SGCD: variants seen among roughly 807,000 people sequenced by gnomAD.
SGCD encodes the protein delta-sarcoglycan.
A neutral mutation model predicts 36.6 loss-of-function variants in SGCD; 18 were observed. The observed-to-expected ratio is 0.49, with a 90% CI of 0.34 to 0.73. The LOEUF is 0.73. Among genes scored for constraint, SGCD ranks in the 30% least tolerant of loss-of-function variants. SGCD has a pLI of 0.01. For synonymous variants in SGCD, 133 were observed against 130.6 expected, an observed-to-expected ratio of 1.02 and a Z score of -0.12; for missense variants, 387 against 346.7, an observed-to-expected ratio of 1.12 and a Z score of -0.92.
At chr5:155,758,243 A>G in the SGCD span, among the ~76,000 whole-genome samples, 1 of 152,190 alleles carries the variant, frequency 6.6e-6, no homozygotes, top group Non-Finnish European at 1.5e-5. Context: ...AAAGTTTTCC[A>G]TGTTTAGTTT....
the SGCD span, among the ~76,000 whole-genome samples, chr5:155,737,651 A>G: frequency 6.6e-6 from 1 of 152,120 alleles, no homozygotes; most frequent in African/African-American, 2.4e-5. Context: ...TCAAGATCCC[A>G]TGACAGGCTA....
chr5:155,856,244 A>C, the SGCD span, among the ~76,000 whole-genome samples: 1 of 152,188 alleles, frequency 6.6e-6, no homozygotes, highest in Non-Finnish European at 1.5e-5. Context: ...CACTACCATG[A>C]GTTATAGTTA....
At chr5:155,749,014 A>G in the SGCD span, among the ~76,000 whole-genome samples, 11 of 152,200 alleles carry the variant, frequency 7.2e-5, no homozygotes, top group Non-Finnish European at 1.5e-4. Flanking sequence ...ACTGTGGTTT[A>G]TTAGAAATCT....
At chr5:156,606,229 C>G (rs191271889) in intron 6 of SGCD, among the ~76,000 whole-genome samples, 3,649 of 152,056 alleles carry the variant, frequency 0.024, 155 homozygotes, top group Admixed American at 0.1. Flanking sequence ...TGTATAAGGT[C>G]TAAGGAAGGG....
rs1383175469 is a variant in SGCD at position 156,127,875 on chromosome 5, A to C, written c.-44+3856A>C. Among the ~76,000 whole-genome samples, 3 of 149,700 alleles carry C rather than the reference A, an allele frequency of 2.0e-5. No individual in the cohort carries two copies. In the East Asian group the frequency reaches 5.8e-4, roughly 29 times the overall value. Reference sequence around the variant, plus strand: ...AATGCAAAAAAAAAAAAAAAAAAAAAAAAAACCCACCAGAGATCTCCTGGA... The same window carrying C: ...AATGCAAAAAAAAAAAAAAAAAAAACAAAAACCCACCAGAGATCTCCTGGA... On this transcript the variant is annotated intron_variant, in intron 3 of 9. Coordinates refer to the SGCD transcript ENST00000517913.
chr5:155,886,512 G>A (rs756518426), intron 1 of SGCD, among the ~76,000 whole-genome samples: 10 of 150,152 alleles, frequency 6.7e-5, no homozygotes, highest in African/African-American at 1.8e-4. Flanking sequence ...GCGCGCGTGC[G>A]TGTGTGTGTG....
the SGCD span, among the ~76,000 whole-genome samples, chr5:155,770,197 T>C: frequency 6.6e-6 from 1 of 152,122 alleles, no homozygotes; most frequent in African/African-American, 2.4e-5. Context: ...GCAAATCATA[T>C]TTTACAACTT....
intron 3 of SGCD, among the ~76,000 whole-genome samples, chr5:156,219,501 CTGA>C (rs142927247): frequency 0.021 from 3,134 of 152,148 alleles, 102 homozygotes; most frequent in African/African-American, 0.067. Context: ...GCATCTGAAT[CTGA>C]TATTTTTGCA....
the SGCD span, among the ~76,000 whole-genome samples, chr5:155,834,056 T>G: frequency 6.6e-6 from 1 of 152,346 alleles, no homozygotes; most frequent in South Asian, 2.1e-4. Flanking sequence ...CTTACCATCC[T>G]TTAAAGGCCG....
intron 1 of SGCD, among the ~76,000 whole-genome samples, chr5:156,039,841 C>A (rs1159858543): frequency 6.6e-6 from 1 of 152,092 alleles, no homozygotes; most frequent in African/African-American, 2.4e-5. Context: ...TGGCTCTTGT[C>A]ATGACTCCTA....
chr5:156,466,690 C>T (rs1372435662), intron 3 of SGCD, among the ~76,000 whole-genome samples: 11 of 152,036 alleles, frequency 7.2e-5, no homozygotes, highest in East Asian at 1.9e-4. Context: ...GACAGAGAAA[C>T]ATTATGATGT....
intron 1 of SGCD, among the ~76,000 whole-genome samples, chr5:156,057,302 T>G (rs1760087208): frequency 6.8e-6 from 1 of 146,554 alleles, no homozygotes; most frequent in South Asian, 2.2e-4. Flanking sequence ...AAATGGCCAT[T>G]CATTCAGCAG....
At chr5:156,434,420 C>G (rs1308796962) in intron 3 of SGCD, among the ~76,000 whole-genome samples, 1 of 152,136 alleles carries the variant, frequency 6.6e-6, no homozygotes, top group South Asian at 2.1e-4. Flanking sequence ...CCTCTCCAGT[C>G]CCATTTAAGC....
chr5:156,274,541 A>T (rs550017135), intron 3 of SGCD, among the ~76,000 whole-genome samples: 6 of 152,302 alleles, frequency 3.9e-5, no homozygotes, highest in Admixed American at 3.3e-4. Context: ...TAATCAGTGC[A>T]TATAGGAGCA....
chr5:156,141,457 G>A (rs1432654871), intron 3 of SGCD, among the ~76,000 whole-genome samples: 1 of 152,226 alleles, frequency 6.6e-6, no homozygotes, highest in African/African-American at 2.4e-5. Context: ...CAAAGCCTGG[G>A]CTCAGGGCCT....
At chr5:156,304,512 G>A (rs560440877) in intron 3 of SGCD, among the ~76,000 whole-genome samples, 8 of 152,294 alleles carry the variant, frequency 5.3e-5, no homozygotes, top group South Asian at 2.1e-4. Context: ...ACGTGGAACT[G>A]TAAGTCCATT....
chr5:156,068,104 AT>A (rs1231547164), intron 1 of SGCD, among the ~76,000 whole-genome samples: 3 of 146,912 alleles, frequency 2.0e-5, no homozygotes, highest in African/African-American at 7.8e-5. Context: ...TTATATTTTT[AT>A]TTTTATTTTA....
intron 3 of SGCD, among the ~76,000 whole-genome samples, chr5:156,430,284 C>A (rs1341637947): frequency 6.6e-6 from 1 of 152,040 alleles, no homozygotes; most frequent in Non-Finnish European, 1.5e-5. Flanking sequence ...TCTTTATTCT[C>A]CTTGTTCTAG....
rs1179426731 is a variant in SGCD, at chr5:155,919,579, G to A, written c.-282+49155G>A. On this transcript the variant is annotated intron_variant, in intron 1 of 9. Transcript: ENST00000517913. ...TTACAAACTTAAAAAAACAAAATGC[G>A]GCTATATTTTAAAACCTTGTTCCCC... 2.6e-5 allele frequency among the ~76,000 whole-genome samples: 4 copies of A among 151,916 alleles called. No individual in the cohort carries two copies. In the East Asian group the frequency reaches 5.8e-4, roughly 22 times the overall value.
Sources: gnomAD v4.1 joint callset for allele counts (sites outside exome capture counted in the v4.1 genomes callset) on GRCh38, gnomAD v4.1.1 for gene constraint, MANE v1.5 for transcripts, NCBI Gene and HGNC (gene_info 2026-07-23, HGNC 2026-07-21) for gene names.